Variants in ECRG4 observed in about 807,000 individuals in gnomAD.
ECRG4 encodes ECRG4 augurin precursor.
A neutral mutation model predicts 15.8 loss-of-function variants in ECRG4; 18 were observed. The observed-to-expected ratio is 1.14, with a 90% CI of 0.79 to 1.69. ECRG4 has a LOEUF of 1.69. Ranked by LOEUF, ECRG4 falls within the 40% of genes most tolerant of loss-of-function variation. The pLI, the probability that ECRG4 is intolerant of heterozygous loss-of-function variation, is 0.00. For missense variants in ECRG4, 200 were observed against 190.9 expected, an observed-to-expected ratio of 1.05 and a Z score of -0.28; for synonymous variants, 82 against 73.9, an observed-to-expected ratio of 1.11 and a Z score of -0.56.
chr2:106,069,061 T>A (rs1021071616), intron 1 of ECRG4, among the ~76,000 whole-genome samples: 8 of 152,190 alleles, frequency 5.3e-5, no homozygotes, highest in African/African-American at 1.4e-4. Context: ...CCTCAAAGCA[T>A]TGGCTCTCCT....
upstream of ECRG4, chr2:106,064,257 T>C (rs1186452614): frequency 6.6e-6 from 1 of 152,256 alleles, no homozygotes; most frequent in Non-Finnish European, 1.5e-5. Context: ...TTTTCTTTGG[T>C]TGGCCACCAT....
intron 1 of ECRG4, 111 bp from the exon 2 acceptor site, chr2:106,071,733 C>A: frequency 1.3e-6 from 1 of 791,082 alleles, no homozygotes; most frequent in Non-Finnish European, 2.1e-6. Context: ...TACCAAGTTG[C>A]CAAATCAAGG....
At chr2:106,071,818 A>G (rs757408373) in intron 1 of ECRG4, 26 bp from the exon 2 acceptor site, 76 of 1,605,064 alleles carry the variant, frequency 4.7e-5, no homozygotes, top group South Asian at 1.8e-4. Flanking sequence ...TAACTCTGAT[A>G]TGGATTTCAA....
intron 3 of ECRG4, among the ~76,000 whole-genome samples, chr2:106,075,443 C>T (rs1233132278): frequency 2.0e-5 from 3 of 152,296 alleles, no homozygotes; most frequent in East Asian, 1.9e-4. Flanking sequence ...CATGCAGGGA[C>T]GGGCATGGTG....
At chr2:106,076,282 C>T (rs1319576885) in intron 3 of ECRG4, among the ~76,000 whole-genome samples, 2 of 152,162 alleles carry the variant, frequency 1.3e-5, no homozygotes, top group Non-Finnish European at 2.9e-5. Context: ...GATCATGCCA[C>T]TTCACTCCAG....
intron 3 of ECRG4, 52 bp downstream of exon 3, chr2:106,074,095 G>A (rs762853789): frequency 6.3e-7 from 1 of 1,596,900 alleles, no homozygotes; most frequent in Admixed American, 1.7e-5. Flanking sequence ...AGGGTGGCAG[G>A]GAGGAGGCCT....
At chr2:106,076,285 C>A (rs1327365678) in intron 3 of ECRG4, among the ~76,000 whole-genome samples, 1 of 152,182 alleles carries the variant, frequency 6.6e-6, no homozygotes, top group Non-Finnish European at 1.5e-5. Context: ...CATGCCACTT[C>A]ACTCCAGCCT....
Position 106,065,862 on chromosome 2 carries a change from G to T in ECRG4, c.79+19G>T. ...GGCCCAGGTGAGCGGGGCGATGCCAGGCTGATTGATAGCGGCACCAGGGGT... is the reference window on the plus strand; with the variant it reads ...GGCCCAGGTGAGCGGGGCGATGCCATGCTGATTGATAGCGGCACCAGGGGT... On this transcript the variant is annotated intron_variant, in intron 1 of 3. Coordinates refer to ENST00000238044, the MANE Select transcript of ECRG4 (RefSeq NM_032411.3). 1 of 1,466,434 alleles carries T rather than the reference G, an allele frequency of 6.8e-7. No individual in the cohort carries two copies. The highest frequency in any genetic ancestry group is 1.5e-5 in the African/African-American group (1 of 67,790). 90.8% of individuals were successfully genotyped at this position (1,466,434 alleles called of 1,614,324 possible).
chr2:106,078,039 C>T lies in ECRG4; in HGVS notation c.*113C>T. The T allele has an allele frequency of 9.8e-7, 1 of 1,024,086 alleles. No homozygotes were observed. The highest frequency in any genetic ancestry group is 1.4e-6 in the Non-Finnish European group (1 of 737,794). 63.4% of individuals were successfully genotyped at this position (1,024,086 alleles called of 1,614,324 possible). A position where few individuals can be genotyped will look rare whatever the true frequency, so the allele number is the denominator to read the frequency against. On this transcript the variant is annotated 3_prime_UTR_variant, in exon 4 of 4. Coordinates refer to ENST00000238044, the MANE Select transcript of ECRG4 (RefSeq NM_032411.3). Reference sequence around the variant, plus strand: ...GCTCTATTTCAGCAGATCTTTTCTACCTACTTTGTGTGATCAAAAAAGAAG... The same window carrying T: ...GCTCTATTTCAGCAGATCTTTTCTATCTACTTTGTGTGATCAAAAAAGAAG...
chr2:106,072,436 T>G (rs1676390794), intron 2 of ECRG4: 1 of 152,302 alleles, frequency 6.6e-6, no homozygotes, highest in South Asian at 2.1e-4. Context: ...TGTAATCAGA[T>G]CAGGTGGATC....
At chr2:106,065,661 A>T, upstream of ECRG4, 2 of 851,516 alleles carry the variant, frequency 2.3e-6, no homozygotes, top group Non-Finnish European at 3.3e-6. Context: ...ACGCAGGGAT[A>T]ACCCGCGGCC....
chr2:106,073,888 C>T lies in ECRG4; in HGVS notation c.130C>T (p.Pro44Ser). 1 of 1,614,030 alleles carries T rather than the reference C, an allele frequency of 6.2e-7. No homozygotes were observed. The highest frequency in any genetic ancestry group is 1.7e-4 in the Middle Eastern group (1 of 6,060). ...LKLMLQKREA[P>S]VPTKTKVAVD... The stretch of plus-strand genomic sequence containing the variant: ...GGATGGGGAATTGATGATTTCAGCA[C>T]CTGTTCCAACTAAGACTAAAGTGGC... The change falls in exon 3 of 4, where the codon CCT becomes TCT. Residue 44 changes from proline to serine, a missense_variant and splice_region_variant. By Grantham distance (74) the Pro-to-Ser change is moderately conservative. Coordinates refer to ENST00000238044, the MANE Select transcript of ECRG4 (RefSeq NM_032411.3).
At chr2:106,070,950 T>C (rs1430229120) in intron 1 of ECRG4, 5 of 471,244 alleles carry the variant, frequency 1.1e-5, no homozygotes, top group South Asian at 1.5e-5. Context: ...GAGGCTCCTA[T>C]AGGTCTGCAA....
rs1676294149 is a variant in ECRG4, at chr2:106,069,156, C to CT, written c.80-2685dup. Among the ~76,000 whole-genome samples, 24 of 132,332 alleles carry CT rather than the reference C, an allele frequency of 1.8e-4. No homozygotes were observed. The Admixed American group carries it at 1.9e-3, about 10-fold the overall frequency. 86.8% of individuals were successfully genotyped at this position (132,332 alleles called of 152,430 possible). ...CTTTCTTTCTTTCTTTCTTTTCTTT[C>CT]TTTCTTTCTTTCTTTTTTCTTTCTT... On this transcript the variant is annotated intron_variant, in intron 1 of 3. Transcript: ENST00000238044.
Position 106,077,943 on chromosome 2 carries a change from G to A in ECRG4, c.*17G>A, listed in dbSNP as rs114065772. 3,622 of 1,611,218 alleles carry A rather than the reference G, an allele frequency of 2.2e-3. 80 individuals are homozygous for A. The African/African-American group carries it at 0.043, about 19-fold the overall frequency. ...GACTACTAACCATGACTTGCCACAC[G>A]CTGTACAAGAAGCAAATAGCGATTC... On this transcript the variant is annotated 3_prime_UTR_variant, in exon 4 of 4. Coordinates refer to ENST00000238044, the MANE Select transcript of ECRG4 (RefSeq NM_032411.3).
chr2:106,065,752 G>C lies in ECRG4; in HGVS notation c.-13G>C, dbSNP rs1362230346. 2 of 1,477,334 alleles carry C rather than the reference G, an allele frequency of 1.4e-6. No individual in the cohort carries two copies. Among genetic ancestry groups the C allele is most frequent in the African/African-American group, 2.9e-5 (2 of 68,216 alleles). 91.5% of individuals were successfully genotyped at this position (1,477,334 alleles called of 1,614,324 possible). ...AAGTGCGCCCCTCGCCCTCCTGCTC[G>C]CGCCCCGCCGCCATGGCTGCCTCCC... On this transcript the variant is annotated 5_prime_UTR_variant, in exon 1 of 4. Transcript: ENST00000238044.
intron 3 of ECRG4, 103 bp from the exon 4 acceptor site, chr2:106,077,662 T>C (rs1257151955): frequency 4.6e-6 from 5 of 1,087,112 alleles, no homozygotes; most frequent in South Asian, 1.6e-5. Flanking sequence ...TTGTTAATCG[T>C]TGAAGAAAAA....
In ECRG4 at chr2:106,071,140, G is replaced by C. The variant is rs1313704420; in HGVS notation, c.80-704G>C. The C allele has an allele frequency of 7.5e-6, 3 of 399,918 alleles. No individual in the cohort carries two copies. The East Asian group carries it at 2.2e-4, about 29-fold the overall frequency. 24.8% of individuals were successfully genotyped at this position (399,918 alleles called of 1,614,324 possible). ...TACAAAACTGGGCTGCACTTTTAGA[G>C]AGCAAAGGCAAGTTCCCCAGTGTGT... On this transcript the variant is annotated intron_variant, in intron 1 of 3. Transcript: ENST00000238044.
intron 2 of ECRG4, 164 bp downstream of exon 2, chr2:106,072,055 G>C (rs1676382077): frequency 1.8e-6 from 1 of 564,340 alleles, no homozygotes; most frequent in South Asian, 2.7e-5. Context: ...ATGTGGTGTG[G>C]TATCTTATTA....
Sources: allele counts gnomAD v4.1 joint callset (sites outside exome capture counted in the v4.1 genomes callset), GRCh38; gene constraint gnomAD v4.1.1; transcripts MANE v1.5; gene names NCBI Gene and HGNC (gene_info 2026-07-23, HGNC 2026-07-21).